The following RANBP2 variants were observed in gnomAD, a reference collection of about 807,000 sequenced individuals.
RANBP2 encodes E3 SUMO-protein ligase RanBP2.
Under a neutral mutation model 303.6 loss-of-function variants are expected in RANBP2, and 57 were observed. That is an observed-to-expected ratio of 0.19 (90% CI 0.15 to 0.23). The LOEUF is 0.23. Among genes scored for constraint, RANBP2 ranks in the 10% least tolerant of loss-of-function variants. RANBP2 has a pLI of 1.00. For missense variants in RANBP2, 3,138 were observed against 3,780.8 expected, an observed-to-expected ratio of 0.83 and a Z score of 4.46; for synonymous variants, 1,167 against 1,301.5, an observed-to-expected ratio of 0.90 and a Z score of 2.23.
At chr2:109,619,038 A>G in the RANBP2 span, 5,870 of 167,032 alleles carry the variant, frequency 0.035, 398 homozygotes, top group African/African-American at 0.13. Flanking sequence ...GACTTTTTAC[A>G]TATACTGTGT....
the RANBP2 span, among the ~76,000 whole-genome samples, chr2:109,040,422 G>A: frequency 1.3e-5 from 2 of 152,002 alleles, no homozygotes; most frequent in Admixed American, 1.3e-4. Flanking sequence ...TTTTTTTGAA[G>A]AGTGCTCGAC....
At chr2:109,392,341 G>C in the RANBP2 span, among the ~76,000 whole-genome samples, 1 of 152,120 alleles carries the variant, frequency 6.6e-6, no homozygotes, top group Admixed American at 6.5e-5. Context: ...GGTGCTGCTT[G>C]TTCACTGTGT....
the RANBP2 span, among the ~76,000 whole-genome samples, chr2:109,276,521 A>G: frequency 6.6e-6 from 1 of 152,084 alleles, no homozygotes; most frequent in South Asian, 2.1e-4. Flanking sequence ...TTAGTGATGT[A>G]TTTTCTCACC....
chr2:109,126,449 T>C, the RANBP2 span, among the ~76,000 whole-genome samples: 1 of 152,220 alleles, frequency 6.6e-6, no homozygotes. Context: ...ACTTCTCCTG[T>C]GTGACTACAG....
intron 17 of RANBP2, among the ~76,000 whole-genome samples, chr2:108,756,709 T>G (rs1481964491): frequency 6.6e-6 from 1 of 152,254 alleles, no homozygotes; most frequent in Non-Finnish European, 1.5e-5. Flanking sequence ...TTGGTACTAG[T>G]ACTGACTCTG....
the RANBP2 span, among the ~76,000 whole-genome samples, chr2:109,006,076 G>A: frequency 2.1e-4 from 32 of 152,358 alleles, no homozygotes; most frequent in Middle Eastern, 3.4e-3. Context: ...CGGCAGTCAC[G>A]TGGCTGCCCA....
chr2:108,930,183 G>T, the RANBP2 span: 1 of 1,614,116 alleles, frequency 6.2e-7, no homozygotes, highest in Non-Finnish European at 8.5e-7. Context: ...TAGTCTGGTT[G>T]TAGTACTCGT....
the RANBP2 span, among the ~76,000 whole-genome samples, chr2:109,011,051 G>GGAACCCCCC: frequency 6.6e-6 from 1 of 152,326 alleles, no homozygotes; most frequent in East Asian, 1.9e-4. Context: ...ACCATTAAGG[G>GGAACCCCCC]AGGAAGTTCT....
Position 108,781,377 on chromosome 2 carries a change from A to T in RANBP2, c.8708A>T (p.Glu2903Val), listed in dbSNP as rs766453973. The T allele has an allele frequency of 1.2e-5, 19 of 1,614,064 alleles. No homozygotes were observed. Among genetic ancestry groups the T allele is most frequent in the Non-Finnish European group, 1.2e-5 (14 of 1,180,008 alleles). The change falls in exon 26 of 29, where the codon GAA becomes GTA. Residue 2903 changes from glutamate (E) to valine (V), a missense_variant. By Grantham distance (121) the Glu-to-Val change is moderately radical. This residue lies in a region of RANBP2 where 68 missense variants were observed against 117.4 expected (regional missense o/e 0.58). Coordinates refer to ENST00000283195, the MANE Select transcript of RANBP2 (RefSeq NM_006267.5). Reference protein sequence around the residue: ...VGEDEDGSDEEVVHNEDIHFE... With the variant: ...VGEDEDGSDEVVVHNEDIHFE... Reference sequence around the variant, plus strand: ...GAAGATGAAGATGGTAGTGATGAAGAAGTAGTTCATAATGAAGATATCCAT... The same window carrying T: ...GAAGATGAAGATGGTAGTGATGAAGTAGTAGTTCATAATGAAGATATCCAT...
chr2:109,616,405 C>T, the RANBP2 span: 2 of 189,814 alleles, frequency 1.1e-5, no homozygotes, highest in African/African-American at 4.7e-5. Flanking sequence ...TGGATGCCTG[C>T]AAAGTAAGGA....
intron 1 of RANBP2, among the ~76,000 whole-genome samples, chr2:108,720,470 C>T (rs1354786901): frequency 6.6e-6 from 1 of 152,094 alleles, no homozygotes; most frequent in Non-Finnish European, 1.5e-5. Flanking sequence ...ATAATGTGAT[C>T]TATTTTGGAT....
At chr2:109,615,433 A>G in the RANBP2 span, 1 of 1,613,092 alleles carries the variant, frequency 6.2e-7, no homozygotes, top group Non-Finnish European at 8.5e-7. Flanking sequence ...CACGGCAGGC[A>G]GGAGCTTCTG....
chr2:109,242,767 C>T, the RANBP2 span, among the ~76,000 whole-genome samples: 4 of 152,176 alleles, frequency 2.6e-5, no homozygotes, highest in African/African-American at 7.2e-5. Flanking sequence ...TCCCCAGTGA[C>T]GTCCTCAGGC....
the RANBP2 span, among the ~76,000 whole-genome samples, chr2:109,104,386 A>G: frequency 3.3e-5 from 5 of 152,162 alleles, no homozygotes; most frequent in Non-Finnish European, 7.3e-5. Flanking sequence ...CCCATCGTGG[A>G]ATGAACAGTT....
chr2:109,164,686 A>C, the RANBP2 span, among the ~76,000 whole-genome samples: 1 of 152,264 alleles, frequency 6.6e-6, no homozygotes, highest in Non-Finnish European at 1.5e-5. Context: ...CCAGTTTCCA[A>C]GGTGTAAATA....
the RANBP2 span, among the ~76,000 whole-genome samples, chr2:109,160,322 G>A: frequency 6.6e-6 from 1 of 152,244 alleles, no homozygotes; most frequent in Non-Finnish European, 1.5e-5. Flanking sequence ...CTTTCTTGGG[G>A]TGCAGCCCAT....
chr2:109,528,326 G>A, the RANBP2 span, among the ~76,000 whole-genome samples: 2 of 152,340 alleles, frequency 1.3e-5, no homozygotes, highest in East Asian at 1.9e-4. Context: ...GAGCAAGGGG[G>A]TATGCTCTTC....
At chr2:109,401,223 C>G in the RANBP2 span, among the ~76,000 whole-genome samples, 1 of 152,210 alleles carries the variant, frequency 6.6e-6, no homozygotes, top group Non-Finnish European at 1.5e-5. Context: ...TGGGGTCCCT[C>G]CTTGGCAACC....
At chr2:109,140,608 C>T in the RANBP2 span, among the ~76,000 whole-genome samples, 57 of 152,254 alleles carry the variant, frequency 3.7e-4, no homozygotes, top group African/African-American at 1.3e-3. Context: ...GTCTTGATCT[C>T]CTGACCTCAT....
Sources: gnomAD v4.1 joint callset for allele counts (sites outside exome capture counted in the v4.1 genomes callset) on GRCh38, gnomAD v4.1.1 for gene constraint, gnomAD v4.1.1 regional missense constraint, MANE v1.5 for transcripts, NCBI Gene and HGNC (gene_info 2026-07-23, HGNC 2026-07-21) for gene names.